Variants in APOO observed in about 807,000 individuals in gnomAD.
APOO encodes the protein MICOS complex subunit MIC26.
A neutral mutation model predicts 23.1 loss-of-function variants in APOO; 11 were observed. That is an observed-to-expected ratio of 0.48 (90% CI 0.30 to 0.79). The LOEUF (loss-of-function observed/expected upper bound fraction) is 0.79, where lower values mean the gene tolerates loss of function less well. Among genes scored for constraint, APOO ranks in the 30% least tolerant of loss-of-function variants. The pLI, the probability that APOO is intolerant of heterozygous loss-of-function variation, is 0.07. For missense variants in APOO, 160 were observed against 142.7 expected, an observed-to-expected ratio of 1.12 and a Z score of -0.62; for synonymous variants, 59 against 54.8, an observed-to-expected ratio of 1.08 and a Z score of -0.34.
intron 7 of APOO, among the ~76,000 whole-genome samples, chrX:23,855,607 T>G (rs1924748371): frequency 8.9e-6 from 1 of 111,826 alleles, no homozygotes; most frequent in Non-Finnish European, 1.9e-5. Context: ...GAGTGCTTAG[T>G]AGAGACATGA....
At chrX:23,884,473 G>A (rs113345822) in intron 1 of APOO, among the ~76,000 whole-genome samples, 21 of 111,963 alleles carry the variant, frequency 1.9e-4, no homozygotes, top group Admixed American at 2.9e-4. Flanking sequence ...GACAAGAATC[G>A]TGTATATTTA....
At chrX:23,876,296 A>G (rs1278503543) in intron 3 of APOO, among the ~76,000 whole-genome samples, 1 of 107,884 alleles carries the variant, frequency 9.3e-6, no homozygotes, top group Admixed American at 1.0e-4. Flanking sequence ...AAAAATAAAA[A>G]TATTAGTTGG....
At chrX:23,861,353 A>G (rs1340460382) in intron 5 of APOO, among the ~76,000 whole-genome samples, 1 of 109,326 alleles carries the variant, frequency 9.1e-6, no homozygotes, top group African/African-American at 3.3e-5. Flanking sequence ...GCCATGTGAG[A>G]CACCAGCTCC....
Position 23,868,655 on chromosome X carries a change from C to A in APOO, c.326G>T (p.Gly109Val), listed in dbSNP as rs200271508. ...AATAACACCAAGTCTCGGAAAAAAT[C>A]CAGGAGGTGCATTTTGGAGATAGTC... ...SYDYLQNAPP[G>V]FFPRLGVIGF... The change falls in exon 5 of 9, where the codon GGA (glycine) becomes GTA (valine). Residue 109 changes from glycine to valine, a missense_variant. By Grantham distance (109) the Gly-to-Val change is moderately radical. Transcript: ENST00000379226. 17 of 1,207,114 alleles carry A rather than the reference C, an allele frequency of 1.4e-5. No homozygotes were observed. The highest frequency in any genetic ancestry group is 1.8e-5 in the Non-Finnish European group (16 of 894,120).
At chrX:23,844,630 A>G (rs1489424048) in intron 7 of APOO, among the ~76,000 whole-genome samples, 1 of 111,415 alleles carries the variant, frequency 9.0e-6, no homozygotes, top group Non-Finnish European at 1.9e-5. Context: ...TTCTGTCAAC[A>G]ATCTAAATGA....
At chrX:23,870,829 G>A (rs968845957) in intron 4 of APOO, among the ~76,000 whole-genome samples, 2 of 110,504 alleles carry the variant, frequency 1.8e-5, no homozygotes, top group Admixed American at 9.8e-5. Flanking sequence ...AGTGGTTCAC[G>A]CCTGTAATCC....
intron 7 of APOO, among the ~76,000 whole-genome samples, chrX:23,844,608 C>G (rs1362523201): frequency 9.0e-6 from 1 of 110,970 alleles, no homozygotes; most frequent in Non-Finnish European, 1.9e-5. Context: ...CCTACAGCCT[C>G]GAGGAACTGA....
At chrX:23,889,732 G>C (rs1200336044) in intron 1 of APOO, among the ~76,000 whole-genome samples, 1 of 99,629 alleles carries the variant, frequency 1.0e-5, no homozygotes, top group African/African-American at 3.7e-5. Flanking sequence ...GTGCGATCTT[G>C]GCTCACTGCA....
intron 1 of APOO, among the ~76,000 whole-genome samples, chrX:23,892,720 A>G (rs1025453818): frequency 4.8e-5 from 5 of 103,906 alleles, no homozygotes; most frequent in Non-Finnish European, 2.0e-5. Context: ...GTGAGCCAAG[A>G]TCGCGCCACT....
chrX:23,848,852 ATTTTTTTTTT>A (rs773306111), intron 7 of APOO, among the ~76,000 whole-genome samples: 1 of 63,628 alleles, frequency 1.6e-5, no homozygotes, highest in Admixed American at 1.8e-4. Flanking sequence ...TGCGCGGCTG[ATTTTTTTTTT>A]TTTTTTTTTT....
intron 5 of APOO, among the ~76,000 whole-genome samples, chrX:23,860,801 C>T (rs1312791793): frequency 9.7e-6 from 1 of 102,569 alleles, no homozygotes; most frequent in Non-Finnish European, 2.0e-5. Context: ...GGATCACAGG[C>T]ATGAGCCAGT....
intron 5 of APOO, among the ~76,000 whole-genome samples, chrX:23,867,109 TAAACGAAACGAAACGAAACG>T (rs57271337): frequency 9.4e-4 from 98 of 104,353 alleles, no homozygotes; most frequent in African/African-American, 3.2e-3. Context: ...CAAATTAAGC[TAAACGAAACGAAACGAAACG>T]AAACGAAACG....
intron 1 of APOO, among the ~76,000 whole-genome samples, chrX:23,886,077 C>T (rs931420368): frequency 2.7e-5 from 3 of 111,463 alleles, no homozygotes; most frequent in African/African-American, 9.8e-5. Flanking sequence ...CTAGCCTCTA[C>T]CCACTAGATG....
Position 23,840,490 on chromosome X carries a change from G to A in APOO, c.562-113C>T, listed in dbSNP as rs771039484. 5.1e-5 allele frequency: 32 copies of A among 630,505 alleles called. No individual in the cohort carries two copies. In the Admixed American group the frequency reaches 7.0e-4, roughly 14 times the overall value. The allele number at this position is 630,505 out of a possible 1,213,427, so 52.0% of individuals were successfully genotyped here. A position where few individuals can be genotyped will look rare whatever the true frequency, so the allele number is the denominator to read the frequency against. On this transcript the variant is annotated intron_variant, in intron 7 of 8. Transcript: ENST00000379226. ...CATTAAAAATTATTATGGGGGACAG[G>A]GTCAAACCATTTTATTGAGGACTTG...
intron 7 of APOO, among the ~76,000 whole-genome samples, chrX:23,855,937 A>AT (rs1335765123): frequency 8.9e-6 from 1 of 112,110 alleles, no homozygotes; most frequent in Non-Finnish European, 1.9e-5. Context: ...AGAGGCTCTC[A>AT]ATTATGTCTT....
chrX:23,847,191 A>G (rs1924283411), intron 7 of APOO, among the ~76,000 whole-genome samples: 1 of 112,093 alleles, frequency 8.9e-6, no homozygotes, highest in Non-Finnish European at 1.9e-5. Flanking sequence ...GGTCATGTCA[A>G]GAGGACTCAG....
At chrX:23,890,409 G>T (rs1926601432) in intron 1 of APOO, among the ~76,000 whole-genome samples, 1 of 112,016 alleles carries the variant, frequency 8.9e-6, no homozygotes, top group South Asian at 3.7e-4. Flanking sequence ...AGCAAGCTGG[G>T]TAGTGACTAG....
chrX:23,837,867 C>G (rs1383050423), intron 8 of APOO, among the ~76,000 whole-genome samples: 1 of 105,466 alleles, frequency 9.5e-6, no homozygotes, highest in Non-Finnish European at 1.9e-5. Context: ...GCCATATTGC[C>G]CAGGCTGTTC....
intron 1 of APOO, among the ~76,000 whole-genome samples, chrX:23,893,192 C>A (rs1387112906): frequency 4.7e-5 from 5 of 106,431 alleles, no homozygotes; most frequent in Non-Finnish European, 9.6e-5. Flanking sequence ...CCGAAGCGGG[C>A]AGATCACGAG....
Sources: gnomAD v4.1 joint callset for allele counts (sites outside exome capture counted in the v4.1 genomes callset) on GRCh38, gnomAD v4.1.1 for gene constraint, MANE v1.5 for transcripts, NCBI Gene and HGNC (gene_info 2026-07-23, HGNC 2026-07-21) for gene names.